Variants in PTPRD observed in about 807,000 individuals in gnomAD.
PTPRD encodes the protein receptor-type tyrosine-protein phosphatase delta.
In PTPRD, 34 loss-of-function variants were observed where a neutral mutation model predicts 214.5. The ratio of observed to expected loss-of-function variants is 0.16; its 90% confidence interval spans 0.12 to 0.21. The LOEUF (loss-of-function observed/expected upper bound fraction) is 0.21, where lower values mean the gene tolerates loss of function less well. Ranked by LOEUF, PTPRD falls within the 10% of genes least tolerant of loss-of-function variation. The pLI is 1.00. For missense variants in PTPRD, 2,545 were observed against 2,398.7 expected, an observed-to-expected ratio of 1.06 and a Z score of -1.27; for synonymous variants, 1,128 against 845.7, an observed-to-expected ratio of 1.33 and a Z score of -5.79.
At chr9:10,346,124 T>A (rs1014277146) in intron 2 of PTPRD, among the ~76,000 whole-genome samples, 2 of 152,214 alleles carry the variant, frequency 1.3e-5, no homozygotes, top group African/African-American at 4.8e-5. Flanking sequence ...GTATTTGAAA[T>A]TAATAGGATT....
At chr9:9,037,948 A>G (rs988425239) in intron 10 of PTPRD, among the ~76,000 whole-genome samples, 1 of 152,186 alleles carries the variant, frequency 6.6e-6, no homozygotes, top group Non-Finnish European at 1.5e-5. Context: ...TGGGAAAACT[A>G]ATTAACTTTT....
chr9:10,341,978 A>G (rs548181264), intron 2 of PTPRD, among the ~76,000 whole-genome samples: 10 of 152,014 alleles, frequency 6.6e-5, no homozygotes, highest in Non-Finnish European at 1.0e-4. Flanking sequence ...AGCTGTTAAA[A>G]TAAAGTCAAA....
At chr9:9,650,543 G>A (rs758556796) in intron 7 of PTPRD, among the ~76,000 whole-genome samples, 3 of 152,074 alleles carry the variant, frequency 2.0e-5, no homozygotes, top group Non-Finnish European at 4.4e-5. Context: ...ATCTTTGGCA[G>A]GTTTTGGTAT....
intron 11 of PTPRD, among the ~76,000 whole-genome samples, chr9:8,897,811 G>A (rs1338835071): frequency 6.6e-6 from 1 of 152,152 alleles, no homozygotes; most frequent in African/African-American, 2.4e-5. Flanking sequence ...TTCTTACTGT[G>A]TGAACTTCAG....
At chr9:10,523,620 T>TATATATATATATATATATATATATAG (rs2053207646) in intron 2 of PTPRD, among the ~76,000 whole-genome samples, 2 of 128,614 alleles carry the variant, frequency 1.6e-5, no homozygotes, top group African/African-American at 2.9e-5. Flanking sequence ...TATATATATA[T>TATATATATATATATATATATATATAG]ATAGACAGAA....
At chr9:8,630,188 G>T (rs768838336) in intron 14 of PTPRD, among the ~76,000 whole-genome samples, 1 of 151,746 alleles carries the variant, frequency 6.6e-6, no homozygotes, top group Non-Finnish European at 1.5e-5. Flanking sequence ...CCACGTGGAC[G>T]AAATGGGAAT....
chr9:10,287,225 G>C (rs74820987), intron 3 of PTPRD, among the ~76,000 whole-genome samples: 3,166 of 152,272 alleles, frequency 0.021, 127 homozygotes, highest in African/African-American at 0.072. Context: ...TTAGCATGTG[G>C]AGTGTTTGTG....
At chr9:9,962,450 T>G (rs532899824) in intron 4 of PTPRD, among the ~76,000 whole-genome samples, 3 of 152,084 alleles carry the variant, frequency 2.0e-5, no homozygotes, top group East Asian at 3.9e-4. Flanking sequence ...GTTGAACATA[T>G]TGAACCTTAT....
chr9:9,219,377 T>C (rs953992727), intron 9 of PTPRD, among the ~76,000 whole-genome samples: 1 of 151,690 alleles, frequency 6.6e-6, no homozygotes, highest in Admixed American at 6.6e-5. Flanking sequence ...TCACAGATGA[T>C]TTATTCCATA....
chr9:9,144,106 G>T (rs544749721), intron 10 of PTPRD, among the ~76,000 whole-genome samples: 2 of 152,132 alleles, frequency 1.3e-5, no homozygotes, highest in Non-Finnish European at 2.9e-5. Flanking sequence ...TTTCATTACA[G>T]ATCCATATAA....
Position 10,442,272 on chromosome 9 carries a change from G to A in PTPRD, c.-599-101255C>T, listed in dbSNP as rs1318785504. Among the ~76,000 whole-genome samples, 3 of 151,622 alleles carry A rather than the reference G, an allele frequency of 2.0e-5. No homozygotes were observed. The East Asian group carries it at 5.8e-4, about 29-fold the overall frequency. On this transcript the variant is annotated intron_variant, in intron 2 of 45. Transcript: ENST00000381196. The stretch of plus-strand genomic sequence containing the variant: ...TCCAAAGTTATTATCCTTTTGGTAT[G>A]AGAACAAATCTGCAATCAAGGAAAA...
intron 5 of PTPRD, among the ~76,000 whole-genome samples, chr9:9,835,367 A>C (rs1447857659): frequency 6.6e-6 from 1 of 152,100 alleles, no homozygotes; most frequent in African/African-American, 2.4e-5. Context: ...CAGTTACCTG[A>C]AAGGATGCCA....
chr9:9,386,068 C>T (rs2063775137), intron 9 of PTPRD, among the ~76,000 whole-genome samples: 2 of 152,096 alleles, frequency 1.3e-5, no homozygotes, highest in African/African-American at 4.8e-5. Context: ...TTTAGACTTC[C>T]TACTACAAAA....
chr9:10,582,525 T>A (rs1207618548), intron 2 of PTPRD, among the ~76,000 whole-genome samples: 1 of 152,226 alleles, frequency 6.6e-6, no homozygotes, highest in Non-Finnish European at 1.5e-5. Flanking sequence ...CATTTTCATT[T>A]AGCAAAAGCA....
At chr9:9,286,191 G>A (rs1216076751) in intron 9 of PTPRD, among the ~76,000 whole-genome samples, 2 of 151,772 alleles carry the variant, frequency 1.3e-5, no homozygotes, top group African/African-American at 2.4e-5. Context: ...CTTCAAATAT[G>A]TGTAGTGAAT....
At chr9:9,423,794 T>C (rs2142752046) in intron 8 of PTPRD, among the ~76,000 whole-genome samples, 1 of 152,252 alleles carries the variant, frequency 6.6e-6, no homozygotes, top group South Asian at 2.1e-4. Flanking sequence ...AGGGAATTGG[T>C]GATTTGAAAC....
At chr9:8,641,904 C>T (rs2096585150) in intron 12 of PTPRD, among the ~76,000 whole-genome samples, 1 of 152,160 alleles carries the variant, frequency 6.6e-6, no homozygotes, top group Non-Finnish European at 1.5e-5. Context: ...AGGTGATGAG[C>T]TCAATGTGCA....
chr9:9,419,007 A>C (rs2077825454), intron 8 of PTPRD, among the ~76,000 whole-genome samples: 1 of 151,760 alleles, frequency 6.6e-6, no homozygotes. Context: ...ATCAGGGCTT[A>C]ATTTTGCAGA....
intron 14 of PTPRD, among the ~76,000 whole-genome samples, chr9:8,552,677 A>C (rs563803907): frequency 1.3e-5 from 2 of 151,832 alleles, no homozygotes; most frequent in East Asian, 2.0e-4. Context: ...GGTGTTCATG[A>C]GCAATGCTGG....
Sources: allele counts gnomAD v4.1 joint callset (sites outside exome capture counted in the v4.1 genomes callset), GRCh38; gene constraint gnomAD v4.1.1; transcripts MANE v1.5; gene names NCBI Gene and HGNC (gene_info 2026-07-23, HGNC 2026-07-21).